Variants in XKR9 observed in about 807,000 individuals in gnomAD.
XKR9 encodes the protein XK related 9, also known as XK-related protein 9.
A neutral mutation model predicts 32.0 loss-of-function variants in XKR9; 32 were observed. That is an observed-to-expected ratio of 1.00 (90% confidence interval 0.76 to 1.34). The LOEUF (loss-of-function observed/expected upper bound fraction) is 1.34. Among genes scored for constraint, XKR9 ranks in the 40% most tolerant of loss-of-function variants. XKR9 has a pLI of 0.00. For missense variants in XKR9, 546 were observed against 429.7 expected (o/e 1.27, Z -2.39); for synonymous variants, 168 against 143.4 (o/e 1.17, Z -1.22).
chr8:70,917,751 A>G, the XKR9 span, among the ~76,000 whole-genome samples: 73 of 152,236 alleles, frequency 4.8e-4, no homozygotes, highest in African/African-American at 1.8e-3. Flanking sequence ...AAGCCAGATT[A>G]CCTGGGTTCA....
At chr8:70,848,163 A>G in the XKR9 span, among the ~76,000 whole-genome samples, 1 of 152,168 alleles carries the variant, frequency 6.6e-6, no homozygotes, top group Non-Finnish European at 1.5e-5. Flanking sequence ...ATGGTTCAAC[A>G]TATGCAAATC....
At chr8:70,966,636 T>G in the XKR9 span, among the ~76,000 whole-genome samples, 3 of 152,238 alleles carry the variant, frequency 2.0e-5, no homozygotes, top group African/African-American at 4.8e-5. Flanking sequence ...CTATCAGGTC[T>G]GCTTGATACA....
rs796746390 is a variant in XKR9 at position 70,776,961 on chromosome 8, A to ATATATATATATATG, written n.353-12375_353-12374insATATATATATGTAT. ...TCTCTCTCTCTCTATATATATATATATATGTATGTATTATACTTTAAGTTC... is the reference window on the plus strand; with the variant it reads ...TCTCTCTCTCTCTATATATATATATATATATATATATATGTATGTATGTATTATACTTTAAGTTC... On this transcript the variant is annotated intron_variant and non_coding_transcript_variant, in intron 2 of 3. Coordinates refer to the XKR9 transcript ENST00000520273. Among the ~76,000 whole-genome samples the ATATATATATATATG allele has an allele frequency of 8.4e-3, 735 of 88,016 alleles. 11 individuals carry two copies. Among genetic ancestry groups the ATATATATATATATG allele is most frequent in the Non-Finnish European group, 0.012 (474 of 40,330 alleles). 57.7% of individuals were successfully genotyped at this position (88,016 alleles called of 152,430 possible).
chr8:70,975,224 G>T, the XKR9 span, among the ~76,000 whole-genome samples: 7 of 152,160 alleles, frequency 4.6e-5, no homozygotes, highest in South Asian at 1.4e-3. Flanking sequence ...TTCTTTTGCT[G>T]TGCAGAAGCT....
intron 2 of XKR9, among the ~76,000 whole-genome samples, chr8:70,741,730 C>T (rs1213165823): frequency 3.3e-5 from 5 of 152,152 alleles, no homozygotes; most frequent in Non-Finnish European, 7.4e-5. Flanking sequence ...TTTACAAATA[C>T]TTCTTTGAGA....
the XKR9 span, among the ~76,000 whole-genome samples, chr8:70,918,776 T>TTTTTTG: frequency 9.2e-6 from 1 of 109,002 alleles, no homozygotes; most frequent in Non-Finnish European, 2.0e-5. Context: ...TCCTTTTTTT[T>TTTTTTG]TTTTTTTTTT....
chr8:70,827,866 A>T, the XKR9 span, among the ~76,000 whole-genome samples: 3 of 152,248 alleles, frequency 2.0e-5, no homozygotes, highest in Non-Finnish European at 4.4e-5. Context: ...TATGGTTTAT[A>T]TGGAATTTAA....
At chr8:70,928,085 C>G in the XKR9 span, among the ~76,000 whole-genome samples, 2 of 152,188 alleles carry the variant, frequency 1.3e-5, no homozygotes, top group East Asian at 3.8e-4. Context: ...CTCTGTCAAC[C>G]AAGCTGGAGT....
the XKR9 span, among the ~76,000 whole-genome samples, chr8:70,999,247 C>T: frequency 6.6e-6 from 1 of 152,020 alleles, no homozygotes; most frequent in Non-Finnish European, 1.5e-5. Context: ...ATCACATTTT[C>T]TTTTATCCCA....
the XKR9 span, among the ~76,000 whole-genome samples, chr8:70,904,718 A>G: frequency 6.6e-6 from 1 of 152,154 alleles, no homozygotes; most frequent in Non-Finnish European, 1.5e-5. Context: ...ACTAGCATCA[A>G]TGGTCTTTAC....
the XKR9 span, among the ~76,000 whole-genome samples, chr8:70,961,784 A>G: frequency 1.3e-5 from 2 of 152,168 alleles, no homozygotes; most frequent in Non-Finnish European, 2.9e-5. Context: ...CTGAAGCACT[A>G]CAGGATTTTT....
At chr8:70,824,039 T>G in the XKR9 span, among the ~76,000 whole-genome samples, 3 of 152,186 alleles carry the variant, frequency 2.0e-5, no homozygotes, top group Non-Finnish European at 2.9e-5. Flanking sequence ...TGTAGTCTTT[T>G]GAGAATTTTT....
At chr8:70,817,384 CA>C in the XKR9 span, among the ~76,000 whole-genome samples, 1 of 151,966 alleles carries the variant, frequency 6.6e-6, no homozygotes, top group East Asian at 1.9e-4. Flanking sequence ...AATAGTCACA[CA>C]AAGAAATAAA....
chr8:70,718,818 C>A lies in XKR9; in HGVS notation c.493+11665C>A, dbSNP rs148451171. 6.5e-3 allele frequency among the ~76,000 whole-genome samples: 989 copies of A among 152,190 alleles called. 16 individuals carry two copies. The highest frequency in any genetic ancestry group is 7.5e-3 in the Non-Finnish European group (513 of 67,998). ...TCTTTATAGTAGAATGATTTATAAT[C>A]GTTTGGGTATATACCCAGTAATGGG... On this transcript the variant is annotated intron_variant, in intron 4 of 4. Transcript: ENST00000408926.
chr8:70,806,103 G>A, the XKR9 span, among the ~76,000 whole-genome samples: 1 of 152,152 alleles, frequency 6.6e-6, no homozygotes, highest in Non-Finnish European at 1.5e-5. Flanking sequence ...ACATCTCCAG[G>A]TGCGGGAGTG....
intron 2 of XKR9, among the ~76,000 whole-genome samples, chr8:70,755,425 C>G (rs570020222): frequency 1.3e-5 from 2 of 152,164 alleles, no homozygotes; most frequent in South Asian, 2.1e-4. Context: ...ACCCAAAGGA[C>G]TATAAATCAT....
the XKR9 span, among the ~76,000 whole-genome samples, chr8:71,054,054 AC>A: frequency 6.6e-6 from 1 of 152,142 alleles, no homozygotes. Context: ...GCTCAGTTGA[AC>A]CCCAGATAAC....
chr8:71,021,269 A>C, the XKR9 span, among the ~76,000 whole-genome samples: 1 of 152,124 alleles, frequency 6.6e-6, no homozygotes, highest in African/African-American at 2.4e-5. Flanking sequence ...ACTGGGGATC[A>C]TGATTAGTGA....
the XKR9 span, among the ~76,000 whole-genome samples, chr8:70,947,773 G>A: frequency 6.6e-6 from 1 of 152,110 alleles, no homozygotes; most frequent in Non-Finnish European, 1.5e-5. Flanking sequence ...TTTAAAATAC[G>A]ATTTGAAAAT....
Sources: gnomAD v4.1 joint callset for allele counts (sites outside exome capture counted in the v4.1 genomes callset) on GRCh38, gnomAD v4.1.1 for gene constraint, MANE v1.5 for transcripts, NCBI Gene and HGNC (gene_info 2026-07-23, HGNC 2026-07-21) for gene names.